Variants in GCC2 observed in about 807,000 individuals in gnomAD.
GCC2 encodes the protein GRIP and coiled-coil domain containing 2.
Under a neutral mutation model 210.6 loss-of-function variants are expected in GCC2, and 120 were observed. The ratio of observed to expected loss-of-function variants is 0.57; its 90% CI spans 0.49 to 0.66. GCC2 has a LOEUF of 0.66. Among genes scored for constraint, GCC2 ranks in the 30% least tolerant of loss-of-function variants. The pLI is 0.00. For synonymous variants in GCC2, 703 were observed against 652.7 expected (o/e 1.08, Z -1.17); for missense variants, 1,868 against 1,871.9 (o/e 1.00, Z 0.04).
At chr2:108,506,989 A>T (rs890258231) in intron 22 of GCC2, among the ~76,000 whole-genome samples, 1 of 152,208 alleles carries the variant, frequency 6.6e-6, no homozygotes, top group Non-Finnish European at 1.5e-5. Flanking sequence ...AGATTGCTTC[A>T]TGTTGCTTAT....
Position 108,486,638 on chromosome 2 carries a change from G to T in GCC2, c.3920G>T (p.Arg1307Leu). Residue 1307 changes from arginine (R) to leucine (L), a missense_variant, in exon 16 of 23, where the codon CGT (arginine) becomes CTT (leucine). By Grantham distance (102) the Arg-to-Leu change is moderately radical. Coordinates refer to ENST00000309863, the MANE Select transcript of GCC2 (RefSeq NM_181453.4). The part of the protein sequence containing the change: ...QRVTALQEEC[R>L]AAKAEQATVT... ...GTGACAGCACTACAGGAAGAGTGCC[G>T]TGCTGCCAAGGTGCGTTCTTCAGGG... The T allele has an allele frequency of 6.2e-7, 1 of 1,611,462 alleles. No individual in the cohort carries two copies. Among genetic ancestry groups the T allele is most frequent in the Non-Finnish European group, 8.5e-7 (1 of 1,178,966 alleles).
chr2:108,498,437 G>C (rs1682758544), intron 21 of GCC2, among the ~76,000 whole-genome samples: 1 of 151,762 alleles, frequency 6.6e-6, no homozygotes, highest in African/African-American at 2.4e-5. Context: ...CTCGTGATCT[G>C]CCTGCCTCAG....
At chr2:108,476,249 G>A (rs1469731316) in intron 9 of GCC2, among the ~76,000 whole-genome samples, 2 of 151,676 alleles carry the variant, frequency 1.3e-5, no homozygotes, top group Admixed American at 6.6e-5. Flanking sequence ...TAGTAGAGAC[G>A]GGGTTTCACC....
In GCC2 at chr2:108,493,569, A is replaced by G. The variant is rs191440812; in HGVS notation, c.4447+779A>G. 104 of 985,366 alleles carry G rather than the reference A, an allele frequency of 1.1e-4. No homozygotes were observed. The East Asian group carries it at 9.1e-3, about 86-fold the overall frequency. 61.0% of individuals were successfully genotyped at this position (985,366 alleles called of 1,614,324 possible). A position where few individuals can be genotyped will look rare whatever the true frequency, so the allele number is the denominator to read the frequency against. ...TAGCTTCTTTGCTTTCACATTTACA[A>G]TTAGTTGGAGTTTTAGTTCAGCCAC... On this transcript the variant is annotated intron_variant, in intron 19 of 22. Coordinates refer to ENST00000309863, the MANE Select transcript of GCC2 (RefSeq NM_181453.4).
Position 108,481,775 on chromosome 2 carries a change from A to T in GCC2, c.3139A>T (p.Ile1047Phe). 6.2e-7 allele frequency: 1 copy of T among 1,602,172 alleles called. No individual in the cohort carries two copies. The highest frequency in any genetic ancestry group is 1.7e-5 in the Admixed American group (1 of 58,020). The change falls in exon 10 of 23, where the codon ATT becomes TTT. Residue 1047 changes from isoleucine to phenylalanine, a missense_variant. Coordinates refer to ENST00000309863, the MANE Select transcript of GCC2 (RefSeq NM_181453.4). ...KERANNFEHR[I>F]EDLTRQLRNS... ...ACGTGCTAATAATTTTGAGCATCGT[A>T]TTGAAGACCTTACAAGACAATTAAG...
At chr2:108,499,969 A>G (rs978587651) in intron 22 of GCC2, among the ~76,000 whole-genome samples, 6 of 152,242 alleles carry the variant, frequency 3.9e-5, no homozygotes, top group African/African-American at 7.2e-5. Flanking sequence ...AGCAAAATAC[A>G]GTAAGTGCTT....
At chr2:108,490,850 A>ATTGCTATATATTGCTATAT (rs1682370916) in intron 18 of GCC2, among the ~76,000 whole-genome samples, 1 of 152,220 alleles carries the variant, frequency 6.6e-6, no homozygotes, top group Non-Finnish European at 1.5e-5. Context: ...TGCAAATTAC[A>ATTGCTATATATTGCTATAT]TTGCTAACAC....
At position 108,469,993 on chromosome 2, in the gene GCC2, A is replaced by G; in HGVS notation, c.664A>G (p.Ile222Val). Residue 222 changes from isoleucine to valine, a missense_variant, in exon 6 of 23, where the codon ATC becomes GTC. Physicochemically the swap from Ile to Val is conservative, Grantham distance 29. Around this residue, in one of 3 missense-constraint regions of GCC2, gnomAD observed 1,847 missense variants for 1,765.2 expected, o/e 1.05. Coordinates refer to ENST00000309863, the MANE Select transcript of GCC2 (RefSeq NM_181453.4). The stretch of plus-strand genomic sequence containing the variant: ...GGAAACAGTTACTCAACTCCAAAAT[A>G]TCATTGAGGCTAATTCTCAGCATTA... The part of the protein sequence containing the change: ...KKETVTQLQN[I>V]IEANSQHYQK... 6.2e-7 allele frequency: 1 copy of G among 1,612,316 alleles called. No homozygotes were observed. The highest frequency in any genetic ancestry group is 8.5e-7 in the Non-Finnish European group (1 of 1,178,820).
chr2:108,455,219 C>A (rs2889831), intron 4 of GCC2, among the ~76,000 whole-genome samples: 4,983 of 152,202 alleles, frequency 0.033, 291 homozygotes, highest in African/African-American at 0.12. Context: ...GCGGACAGAT[C>A]ACCTGAGGTC....
At chr2:108,490,689 T>G (rs1015225340) in intron 18 of GCC2, among the ~76,000 whole-genome samples, 11 of 152,214 alleles carry the variant, frequency 7.2e-5, no homozygotes, top group Admixed American at 1.3e-4. Flanking sequence ...CTGTTAACAG[T>G]GTAATTTGCA....
At chr2:108,476,558 ATG>A (rs1681535572) in intron 9 of GCC2, among the ~76,000 whole-genome samples, 1 of 152,222 alleles carries the variant, frequency 6.6e-6, no homozygotes. Flanking sequence ...TAACATGAAA[ATG>A]TATTATTAAA....
chr2:108,487,792 G>T lies in GCC2; in HGVS notation c.4024G>T (p.Ala1342Ser), dbSNP rs1460872821. The change falls in exon 17 of 23, where the codon GCT (alanine) becomes TCT (serine). Residue 1342 changes from alanine to serine, a missense_variant. Ala to Ser is a moderately conservative substitution (Grantham distance 99). Coordinates refer to ENST00000309863, the MANE Select transcript of GCC2 (RefSeq NM_181453.4). ...ACAGAAAAATAAATCTATGTCTCAG[G>T]CTGAAACTGAGGGCGCTAAACAAGA... ...KQQKNKSMSQ[A>S]ETEGAKQERE... The T allele has an allele frequency of 1.2e-6, 2 of 1,613,188 alleles. No homozygotes were observed. The highest frequency in any genetic ancestry group is 1.7e-6 in the Non-Finnish European group (2 of 1,179,630).
chr2:108,503,838 G>T (rs2917978), intron 22 of GCC2, among the ~76,000 whole-genome samples: 1 of 152,216 alleles, frequency 6.6e-6, no homozygotes. Context: ...GCTGGGCTCA[G>T]TGACTCACAC....
At chr2:108,463,056 T>G (rs1489266921) in intron 4 of GCC2, among the ~76,000 whole-genome samples, 4 of 152,164 alleles carry the variant, frequency 2.6e-5, no homozygotes, top group Non-Finnish European at 5.9e-5. Context: ...TCTTTTTTTC[T>G]GATATCTATT....
intron 18 of GCC2, among the ~76,000 whole-genome samples, chr2:108,491,980 G>T (rs1013072839): frequency 2.0e-5 from 3 of 151,990 alleles, no homozygotes; most frequent in Non-Finnish European, 2.9e-5. Flanking sequence ...ATGAAAATTA[G>T]AGGTCTCTAT....
At position 108,470,105 on chromosome 2, in the gene GCC2, T is replaced by G. The variant is rs749721042; in HGVS notation, c.776T>G (p.Ile259Ser). 1 of 1,613,506 alleles carries G rather than the reference T, an allele frequency of 6.2e-7. No individual in the cohort carries two copies. The highest frequency in any genetic ancestry group is 8.5e-7 in the Non-Finnish European group (1 of 1,179,634). The change falls in exon 6 of 23, where the codon ATT becomes AGT. Residue 259 changes from isoleucine to serine, a missense_variant. By Grantham distance (142) the Ile-to-Ser change is moderately radical. This residue lies in a region of GCC2 where 1,847 missense variants were observed against 1,765.2 expected (regional missense o/e 1.05). Coordinates refer to ENST00000309863, the MANE Select transcript of GCC2 (RefSeq NM_181453.4). ...GAGGTGAAAGAGTTGATGTGCCAGA[T>G]TGAAGCATCAGCTAAGGAACATGAA... ...QEEVKELMCQIEASAKEHEAE... is the reference protein window; with the variant it reads ...QEEVKELMCQSEASAKEHEAE...
In GCC2 at chr2:108,509,165, C is replaced by A. The variant is rs1186601190; in HGVS notation, c.*1535C>A. On this transcript the variant is annotated 3_prime_UTR_variant, in exon 23 of 23. Coordinates refer to ENST00000309863, the MANE Select transcript of GCC2 (RefSeq NM_181453.4). ...TGAATATGAGTATGCCAGCTGCATA[C>A]GATGTAACTAATCATATTTAAATAT... 2 of 152,676 alleles carry A rather than the reference C, an allele frequency of 1.3e-5. No individual in the cohort carries two copies. The highest frequency in any genetic ancestry group is 1.5e-5 in the Non-Finnish European group (1 of 68,018). 9.5% of individuals were successfully genotyped at this position (152,676 alleles called of 1,614,324 possible).
At chr2:108,501,897 T>C (rs1354688330) in intron 22 of GCC2, among the ~76,000 whole-genome samples, 1 of 152,186 alleles carries the variant, frequency 6.6e-6, no homozygotes. Flanking sequence ...GAAGGAGGAA[T>C]GTTCTCAATA....
In GCC2 at chr2:108,485,657, A is replaced by G. The variant is rs771930600; in HGVS notation, c.3635A>G (p.Gln1212Arg). ...EEITSLQSSV[Q>R]QYEEKNTKIK... ...CTAGCTTCATTACAGTCTTCAGTAC[A>G]ACAATATGAAGAAAAAAACACCAAA... Residue 1212 changes from glutamine to arginine, a missense_variant, in exon 14 of 23, where the codon CAA becomes CGA. By Grantham distance (43) the Gln-to-Arg change is conservative. Transcript: ENST00000309863. 7 of 1,580,352 alleles carry G rather than the reference A, an allele frequency of 4.4e-6. No homozygotes were observed. The South Asian group carries it at 5.8e-5, about 13-fold the overall frequency.
Sources: allele counts gnomAD v4.1 joint callset (sites outside exome capture counted in the v4.1 genomes callset), GRCh38; gene constraint gnomAD v4.1.1; regional missense constraint gnomAD v4.1.1; transcripts MANE v1.5; gene names NCBI Gene and HGNC (gene_info 2026-07-23, HGNC 2026-07-21).